The following NDST3 variants were observed in gnomAD, a reference collection of about 807,000 sequenced individuals.
The protein encoded by NDST3 is bifunctional heparan sulfate N-deacetylase/N-sulfotransferase 3.
Under a neutral mutation model 96.1 loss-of-function variants are expected in NDST3, and 58 were observed. The ratio of observed to expected loss-of-function variants is 0.60; its 90% confidence interval spans 0.49 to 0.75. NDST3 has a LOEUF of 0.75. NDST3 is among the 30% of genes least tolerant of loss of function. The probability of loss-of-function intolerance (pLI) is 0.00; values close to 1 mark genes in which losing one functional copy is unlikely to be tolerated. For synonymous variants in NDST3, 333 were observed against 359.7 expected (o/e 0.93, Z 0.84); for missense variants, 788 against 1,034.2 (o/e 0.76, Z 3.27).
intron 6 of NDST3, among the ~76,000 whole-genome samples, chr4:118,170,763 A>C (rs1735891613): frequency 6.6e-6 from 1 of 152,180 alleles, no homozygotes; most frequent in Non-Finnish European, 1.5e-5. Context: ...AGTGTGGTGA[A>C]CTGTAAGTAA....
chr4:118,061,692 C>T (rs578038399), intron 2 of NDST3, among the ~76,000 whole-genome samples: 8 of 152,042 alleles, frequency 5.3e-5, no homozygotes, highest in East Asian at 3.9e-4. Flanking sequence ...ATTTTGTTCA[C>T]GGATGTATCT....
intron 2 of NDST3, among the ~76,000 whole-genome samples, chr4:118,060,022 T>G (rs1725767116): frequency 6.6e-6 from 1 of 152,144 alleles, no homozygotes; most frequent in Non-Finnish European, 1.5e-5. Context: ...GGATACAGTA[T>G]GCCTCATGTA....
chr4:118,194,177 T>C, intron 6 of NDST3: 3 of 793,536 alleles, frequency 3.8e-6, no homozygotes, highest in Admixed American at 1.7e-5. Flanking sequence ...CTCCAGACCA[T>C]AAGGCAGATC....
intron 4 of NDST3, 47 bp downstream of exon 4, chr4:118,115,007 G>A: frequency 1.9e-6 from 3 of 1,563,474 alleles, no homozygotes; most frequent in African/African-American, 1.4e-5. Context: ...ACTGATTGGA[G>A]AAATGAAAAG....
chr4:118,099,014 T>TC (rs1729564678), intron 2 of NDST3, among the ~76,000 whole-genome samples: 1 of 152,112 alleles, frequency 6.6e-6, no homozygotes, highest in African/African-American at 2.4e-5. Flanking sequence ...ACAAAGGATT[T>TC]CATTCACAAA....
chr4:118,088,724 C>T (rs752035975), intron 2 of NDST3, among the ~76,000 whole-genome samples: 15 of 152,050 alleles, frequency 9.9e-5, no homozygotes, highest in South Asian at 6.2e-4. Context: ...CTAAAATACA[C>T]TTTCTAAGCC....
intron 2 of NDST3, among the ~76,000 whole-genome samples, chr4:118,104,659 T>G (rs1332224122): frequency 6.6e-6 from 1 of 152,136 alleles, no homozygotes; most frequent in Non-Finnish European, 1.5e-5. Context: ...TAAAAATGAG[T>G]GCCCTTCTTT....
intron 2 of NDST3, among the ~76,000 whole-genome samples, chr4:118,076,702 T>C (rs1727566061): frequency 6.6e-6 from 1 of 152,206 alleles, no homozygotes; most frequent in African/African-American, 2.4e-5. Flanking sequence ...TATTGTTTTG[T>C]TGTATTCCTT....
intron 6 of NDST3, among the ~76,000 whole-genome samples, chr4:118,179,206 T>C (rs769352893): frequency 2.0e-5 from 3 of 151,980 alleles, no homozygotes; most frequent in Non-Finnish European, 2.9e-5. Flanking sequence ...TTTACAAATA[T>C]CTTTAAAAAG....
chr4:118,213,585 AT>A (rs1738984459), intron 6 of NDST3, among the ~76,000 whole-genome samples: 1 of 151,642 alleles, frequency 6.6e-6, no homozygotes, highest in Non-Finnish European at 1.5e-5. Context: ...ATATATATAT[AT>A]ATACACATTT....
intron 3 of NDST3, among the ~76,000 whole-genome samples, chr4:118,114,358 G>A (rs2125864364): frequency 6.6e-6 from 1 of 152,252 alleles, no homozygotes; most frequent in African/African-American, 2.4e-5. Flanking sequence ...GACCTAAGGA[G>A]GAACCCGAAT....
Position 118,084,887 on chromosome 4 carries a change from G to A in NDST3, c.982-20131G>A, listed in dbSNP as rs1182657000. On this transcript the variant is annotated intron_variant, in intron 2 of 13. Transcript: ENST00000296499. Reference sequence around the variant, plus strand: ...TGTAATCCCAGCACTTTGGGAGGCCGAGGTGGGTGGATCATGAGGTCACGA... The same window carrying A: ...TGTAATCCCAGCACTTTGGGAGGCCAAGGTGGGTGGATCATGAGGTCACGA... Among the ~76,000 whole-genome samples, 6 of 152,236 alleles carry A rather than the reference G, an allele frequency of 3.9e-5. No individual in the cohort carries two copies. The East Asian group carries it at 5.8e-4, about 15-fold the overall frequency.
chr4:118,071,496 A>G (rs1437456587), intron 2 of NDST3, among the ~76,000 whole-genome samples: 3 of 152,092 alleles, frequency 2.0e-5, no homozygotes, highest in Non-Finnish European at 4.4e-5. Context: ...CCCACTAATA[A>G]GTGAGAACAT....
At chr4:118,190,368 G>A (rs1463329517) in intron 6 of NDST3, among the ~76,000 whole-genome samples, 3 of 152,118 alleles carry the variant, frequency 2.0e-5, no homozygotes, top group Non-Finnish European at 4.4e-5. Context: ...TGTTTAATAA[G>A]TAATATTTCA....
chr4:118,156,566 T>C lies in NDST3; in HGVS notation c.1539+12882T>C, dbSNP rs774122661. 2.0e-4 allele frequency among the ~76,000 whole-genome samples: 31 copies of C among 152,294 alleles called. 1 individual carries two copies. Among genetic ancestry groups the C allele is most frequent in the African/African-American group, 3.8e-4 (16 of 41,572 alleles). Reference sequence around the variant, plus strand: ...ACTACATACATACTATCTTTGGAATTTGAAAGAAATTTGGTTGCCTTGGAA... The same window carrying C: ...ACTACATACATACTATCTTTGGAATCTGAAAGAAATTTGGTTGCCTTGGAA... On this transcript the variant is annotated intron_variant, in intron 6 of 13. Transcript: ENST00000296499.
intron 2 of NDST3, among the ~76,000 whole-genome samples, chr4:118,071,497 G>C (rs1298571385): frequency 6.6e-6 from 1 of 152,090 alleles, no homozygotes; most frequent in Non-Finnish European, 1.5e-5. Flanking sequence ...CCACTAATAA[G>C]TGAGAACATG....
chr4:118,043,918 A>C (rs1469485877), intron 1 of NDST3, among the ~76,000 whole-genome samples: 2 of 152,198 alleles, frequency 1.3e-5, no homozygotes, highest in Non-Finnish European at 2.9e-5. Flanking sequence ...GTGCACTGGA[A>C]TTTTTTCTTT....
At chr4:118,120,095 G>A (rs1731434162) in intron 4 of NDST3, among the ~76,000 whole-genome samples, 1 of 152,006 alleles carries the variant, frequency 6.6e-6, no homozygotes, top group African/African-American at 2.4e-5. Context: ...ACATCTAGTA[G>A]GTAGTAAATG....
In NDST3 at chr4:118,066,135, A is replaced by ATTTT. The variant is rs1355521248; in HGVS notation, c.981+11244_981+11245insTTTT. On this transcript the variant is annotated intron_variant, in intron 2 of 13. Transcript: ENST00000296499. ...ATTTTATATATTATATATATTATATAATATATTTTATATATTATATATATT... is the reference window on the plus strand; with the variant it reads ...ATTTTATATATTATATATATTATATATTTTATATATTTTATATATTATATATATT... Among the ~76,000 whole-genome samples, 16 of 29,398 alleles carry ATTTT rather than the reference A, an allele frequency of 5.4e-4. 1 individual carries two copies. Among genetic ancestry groups the ATTTT allele is most frequent in the African/African-American group, 1.2e-3 (16 of 13,062 alleles). The allele number at this position is 29,398 out of a possible 152,430, so 19.3% of individuals were successfully genotyped here.
Sources: gnomAD v4.1 joint callset for allele counts (sites outside exome capture counted in the v4.1 genomes callset) on GRCh38, gnomAD v4.1.1 for gene constraint, MANE v1.5 for transcripts, NCBI Gene and HGNC (gene_info 2026-07-23, HGNC 2026-07-21) for gene names.